Variants in PAIP2B observed in about 807,000 individuals in gnomAD.
PAIP2B encodes poly(A) binding protein interacting protein 2B.
Under a neutral mutation model 17.0 loss-of-function variants are expected in PAIP2B, and 13 were observed. That is an observed-to-expected ratio of 0.76 (90% confidence interval 0.50 to 1.22). The LOEUF (loss-of-function observed/expected upper bound fraction) is 1.22, where lower values mean the gene tolerates loss of function less well. Among genes scored for constraint, PAIP2B ranks in the 50% most tolerant of loss-of-function variants. The pLI, the probability that PAIP2B is intolerant of heterozygous loss-of-function variation, is 0.00. For synonymous variants in PAIP2B, 43 were observed against 48.7 expected, an observed-to-expected ratio of 0.88 and a Z score of 0.48; for missense variants, 117 against 144.5, an observed-to-expected ratio of 0.81 and a Z score of 0.98.
intron 2 of PAIP2B, among the ~76,000 whole-genome samples, chr2:71,200,118 CTA>C (rs1226172322): frequency 2.6e-5 from 4 of 152,052 alleles, no homozygotes; most frequent in African/African-American, 7.2e-5. Context: ...TCATCTTATT[CTA>C]TGTTTTGTTA....
chr2:71,226,623 C>T (rs1675736514), intron 1 of PAIP2B, among the ~76,000 whole-genome samples: 2 of 151,744 alleles, frequency 1.3e-5, no homozygotes, highest in Non-Finnish European at 2.9e-5. Flanking sequence ...TAGGAGGACG[C>T]TGAGGGGAGT....
At chr2:71,205,168 C>A (rs1052687135) in intron 1 of PAIP2B, among the ~76,000 whole-genome samples, 1 of 152,090 alleles carries the variant, frequency 6.6e-6, no homozygotes, top group African/African-American at 2.4e-5. Flanking sequence ...ATAAAATCTA[C>A]AAAAACTGTT....
chr2:71,218,982 C>A (rs1336793610), intron 1 of PAIP2B, among the ~76,000 whole-genome samples: 1 of 147,084 alleles, frequency 6.8e-6, no homozygotes, highest in Non-Finnish European at 1.5e-5. Flanking sequence ...ATGGCGCGAT[C>A]TTGGCTCACT....
At chr2:71,210,428 A>T (rs1183343720) in intron 1 of PAIP2B, among the ~76,000 whole-genome samples, 5 of 152,222 alleles carry the variant, frequency 3.3e-5, no homozygotes, top group Admixed American at 2.6e-4. Context: ...CAGAAAACAA[A>T]TAAGTAGTCA....
chr2:71,199,054 G>A (rs912600156), intron 2 of PAIP2B, among the ~76,000 whole-genome samples: 1 of 149,126 alleles, frequency 6.7e-6, no homozygotes, highest in Non-Finnish European at 1.5e-5. Context: ...GGGTTTGAGA[G>A]AACTGTTTTT....
At position 71,211,004 on chromosome 2, in the gene PAIP2B, TG is replaced by T. The variant is rs1036055249; in HGVS notation, c.-11-8405del. 7.2e-5 allele frequency among the ~76,000 whole-genome samples: 11 copies of T among 152,310 alleles called. No individual in the cohort carries two copies. In the East Asian group the frequency reaches 1.4e-3, roughly 19 times the overall value. On this transcript the variant is annotated intron_variant, in intron 1 of 3. Coordinates refer to ENST00000244221, the MANE Select transcript of PAIP2B (RefSeq NM_020459.1). ...GCTCATGCCTATAGTCCCAGCACTTTGGGAGGCCGAGGTGGGTGAATCACCT... is the reference window on the plus strand; with the variant it reads ...GCTCATGCCTATAGTCCCAGCACTTTGGAGGCCGAGGTGGGTGAATCACCT...
chr2:71,224,630 T>C (rs1173301018), intron 1 of PAIP2B, among the ~76,000 whole-genome samples: 1 of 152,072 alleles, frequency 6.6e-6, no homozygotes. Context: ...GTTCAGGAAA[T>C]GGCACTTCAG....
intron 2 of PAIP2B, among the ~76,000 whole-genome samples, chr2:71,190,749 G>T (rs1417313571): frequency 6.6e-6 from 1 of 152,140 alleles, no homozygotes; most frequent in African/African-American, 2.4e-5. Flanking sequence ...AAAAGATACT[G>T]CAAGTATATA....
At chr2:71,190,228 C>T (rs1487693412) in intron 2 of PAIP2B, among the ~76,000 whole-genome samples, 1 of 152,018 alleles carries the variant, frequency 6.6e-6, no homozygotes, top group East Asian at 1.9e-4. Flanking sequence ...TGAGACCAGC[C>T]TGAGCAACAT....
intron 1 of PAIP2B, among the ~76,000 whole-genome samples, chr2:71,209,911 A>G (rs1222693321): frequency 6.6e-6 from 1 of 151,200 alleles, no homozygotes; most frequent in Non-Finnish European, 1.5e-5. Context: ...TGCAACCTCC[A>G]CCTCCTGGGT....
At chr2:71,210,150 A>C (rs879842135) in intron 1 of PAIP2B, among the ~76,000 whole-genome samples, 7 of 152,132 alleles carry the variant, frequency 4.6e-5, no homozygotes, top group Non-Finnish European at 8.8e-5. Context: ...ATACCATGTC[A>C]TACTTTGCAC....
Position 71,202,571 on chromosome 2 carries a change from C to A in PAIP2B, c.19G>T (p.Ala7Ser), listed in dbSNP as rs1675011517. The A allele has an allele frequency of 6.2e-7, 1 of 1,612,942 alleles. No homozygotes were observed. The highest frequency in any genetic ancestry group is 1.7e-5 in the Admixed American group (1 of 59,934). The change falls in exon 2 of 4, where the codon GCA becomes TCA. Residue 7 changes from alanine (A) to serine (S), a missense_variant. Coordinates refer to ENST00000244221, the MANE Select transcript of PAIP2B (RefSeq NM_020459.1). The stretch of plus-strand genomic sequence containing the variant: ...GATTTTACACTCGGTGATGTATTTG[C>A]CATATTGGATCCATTCATTATGATG... MNGSNM[A>S]NTSPSVKSKE...
intron 1 of PAIP2B, among the ~76,000 whole-genome samples, chr2:71,224,358 T>C (rs547815388): frequency 2.0e-5 from 3 of 152,352 alleles, no homozygotes; most frequent in Admixed American, 6.5e-5. Context: ...ATATTTTCCC[T>C]GGGAACAAGG....
At position 71,189,944 on chromosome 2, in the gene PAIP2B, C is replaced by G; in HGVS notation, c.216G>C (p.Trp72Cys). The change falls in exon 3 of 4, where the codon TGG (tryptophan) becomes TGC (cysteine). Residue 72 changes from tryptophan (W) to cysteine (C), a missense_variant. Coordinates refer to ENST00000244221, the MANE Select transcript of PAIP2B (RefSeq NM_020459.1). The stretch of plus-strand genomic sequence containing the variant: ...GAGGCAGGTCTCGTGAGGGAATAAA[C>G]CAGTCTTGGTCTTCTTCATCCAGCA... Reference protein sequence around the residue: ...QEMLDEEDQDWFIPSRDLPQA... With the variant: ...QEMLDEEDQDCFIPSRDLPQA... 6.2e-7 allele frequency: 1 copy of G among 1,609,568 alleles called. No homozygotes were observed. Among genetic ancestry groups the G allele is most frequent in the South Asian group, 1.1e-5 (1 of 89,630 alleles).
intron 1 of PAIP2B, among the ~76,000 whole-genome samples, chr2:71,225,334 G>C (rs149138484): frequency 1.3e-5 from 2 of 152,226 alleles, no homozygotes; most frequent in African/African-American, 2.4e-5. Flanking sequence ...ATACAAGGAA[G>C]CATACTGATA....
intron 1 of PAIP2B, among the ~76,000 whole-genome samples, chr2:71,213,005 G>A (rs573894316): frequency 2.9e-4 from 44 of 151,802 alleles, no homozygotes; most frequent in African/African-American, 2.2e-4. Flanking sequence ...TCCTGCCTCC[G>A]CCTCCCAAAG....
At position 71,186,539 on chromosome 2, in the gene PAIP2B, G is replaced by A. The variant is rs1029176781; in HGVS notation, c.*1940C>T. 2 of 152,196 alleles carry A rather than the reference G, an allele frequency of 1.3e-5. No homozygotes were observed. The highest frequency in any genetic ancestry group is 2.4e-5 in the African/African-American group (1 of 41,436). 9.4% of individuals were successfully genotyped at this position (152,196 alleles called of 1,614,324 possible). ...TCCCAACGCATTTCTAACAGCCTTCGGAATTCTGAGCTTGGACAGGCTCAC... is the reference window on the plus strand; with the variant it reads ...TCCCAACGCATTTCTAACAGCCTTCAGAATTCTGAGCTTGGACAGGCTCAC... On this transcript the variant is annotated 3_prime_UTR_variant, in exon 4 of 4. Coordinates refer to ENST00000244221, the MANE Select transcript of PAIP2B (RefSeq NM_020459.1).
At chr2:71,222,467 T>A (rs1675611147) in intron 1 of PAIP2B, among the ~76,000 whole-genome samples, 1 of 152,166 alleles carries the variant, frequency 6.6e-6, no homozygotes, top group South Asian at 2.1e-4. Context: ...TATTCTCTCT[T>A]GGAAAATACA....
intron 1 of PAIP2B, among the ~76,000 whole-genome samples, chr2:71,218,544 T>C (rs1031221512): frequency 2.0e-5 from 3 of 152,140 alleles, no homozygotes; most frequent in African/African-American, 7.2e-5. Flanking sequence ...GGTGGGAGTA[T>C]ACACTGAACC....
Sources: allele counts gnomAD v4.1 joint callset (sites outside exome capture counted in the v4.1 genomes callset), GRCh38; gene constraint gnomAD v4.1.1; transcripts MANE v1.5; gene names NCBI Gene and HGNC (gene_info 2026-07-23, HGNC 2026-07-21).